The following SKI variants were observed in gnomAD, a reference collection of about 807,000 sequenced individuals.
SKI encodes ski oncogene.
In SKI, 23 loss-of-function variants were observed where a neutral mutation model predicts 59.3. The ratio of observed to expected loss-of-function variants is 0.39; its 90% CI spans 0.28 to 0.55. SKI has a LOEUF of 0.55. Among genes scored for constraint, SKI ranks in the 20% least tolerant of loss-of-function variants. The probability of loss-of-function intolerance (pLI) is 0.67; values close to 1 mark genes in which losing one functional copy is unlikely to be tolerated. For missense variants in SKI, 1,017 were observed against 1,038.9 expected (o/e 0.98, Z 0.29); for synonymous variants, 673 against 488.6 (o/e 1.38, Z -4.98).
chr1:2,256,634 C>G (rs1639280774), intron 1 of SKI, among the ~76,000 whole-genome samples: 1 of 152,272 alleles, frequency 6.6e-6, no homozygotes, highest in African/African-American at 2.4e-5. Flanking sequence ...TGTTGCATGG[C>G]TGACCTGGTA....
intron 1 of SKI, among the ~76,000 whole-genome samples, chr1:2,300,873 G>A (rs1405629050): frequency 3.3e-5 from 5 of 152,282 alleles, no homozygotes; most frequent in African/African-American, 7.2e-5. Flanking sequence ...CCCACTGAGC[G>A]GATTGGGCTC....
At chr1:2,277,755 C>G (rs1639775914) in intron 1 of SKI, among the ~76,000 whole-genome samples, 1 of 148,484 alleles carries the variant, frequency 6.7e-6, no homozygotes, top group South Asian at 2.2e-4. Flanking sequence ...ACACATTCAT[C>G]AGGACCCATG....
intron 5 of SKI, among the ~76,000 whole-genome samples, chr1:2,305,578 G>T (rs373314633): frequency 6.6e-6 from 1 of 152,236 alleles, no homozygotes; most frequent in African/African-American, 2.4e-5. Context: ...TTAATGGGGA[G>T]AGTGGGGGGG....
chr1:2,304,351 G>A lies in SKI; in HGVS notation c.1533G>A (p.Lys511=). Reference sequence around the variant, plus strand: ...CCTTTACCTCATCCAGCTCCGCCAAGGACCTGGGCTCCCCGGGTGCGCGTG... The same window carrying A: ...CCTTTACCTCATCCAGCTCCGCCAAAGACCTGGGCTCCCCGGGTGCGCGTG... The part of the protein sequence containing the change: ...SPSFTSSSSA[K]DLGSPGARAL... The change falls in exon 5 of 7, where the codon AAG becomes AAA. Residue 511 remains lysine (K), a synonymous_variant. Coordinates refer to ENST00000378536, the MANE Select transcript of SKI (RefSeq NM_003036.4). The A allele has an allele frequency of 6.4e-7, 1 of 1,551,702 alleles. No individual in the cohort carries two copies. The highest frequency in any genetic ancestry group is 2.4e-5 in the East Asian group (1 of 40,918).
intron 1 of SKI, chr1:2,240,630 C>T (rs886161464): frequency 1.0e-6 from 1 of 985,310 alleles, no homozygotes; most frequent in African/African-American, 1.7e-5. Context: ...CCGAAGTAAC[C>T]ATACAGCATT....
At chr1:2,299,187 G>T (rs1481817328) in intron 1 of SKI, among the ~76,000 whole-genome samples, 2 of 152,256 alleles carry the variant, frequency 1.3e-5, no homozygotes, top group African/African-American at 4.8e-5. Flanking sequence ...TTCAGCTTCA[G>T]TGTGGAGAAG....
intron 1 of SKI, among the ~76,000 whole-genome samples, 194 bp from the exon 2 acceptor site, chr1:2,302,784 C>T (rs1321300830): frequency 1.3e-5 from 2 of 152,196 alleles, no homozygotes; most frequent in Non-Finnish European, 2.9e-5. Context: ...GCCTGTTGCG[C>T]GTGGCCTAAG....
At chr1:2,272,164 C>G (rs1057279301) in intron 1 of SKI, among the ~76,000 whole-genome samples, 3 of 152,250 alleles carry the variant, frequency 2.0e-5, no homozygotes, top group Non-Finnish European at 4.4e-5. Context: ...CTCACGACCT[C>G]TTGCCCTCTG....
Position 2,306,118 on chromosome 1 carries a change from G to C in SKI, c.1866G>C (p.Glu622Asp), listed in dbSNP as rs748886393. Reference protein sequence around the residue: ...LRKEIERLRAENEKKMKEANE... With the variant: ...LRKEIERLRADNEKKMKEANE... ...AGGAGATCGAGCGTCTCCGCGCCGAGAACGAGAAGAAGATGAAAGAGGCCA... is the reference window on the plus strand; with the variant it reads ...AGGAGATCGAGCGTCTCCGCGCCGACAACGAGAAGAAGATGAAAGAGGCCA... The change falls in exon 6 of 7, where the codon GAG becomes GAC. Residue 622 changes from glutamate to aspartate, a missense_variant. Transcript: ENST00000378536. 4 of 1,598,332 alleles carry C rather than the reference G, an allele frequency of 2.5e-6. No individual in the cohort carries two copies. Among genetic ancestry groups the C allele is most frequent in the African/African-American group, 1.3e-5 (1 of 74,830 alleles).
intron 1 of SKI, among the ~76,000 whole-genome samples, chr1:2,272,742 G>A (rs1193161632): frequency 6.6e-6 from 1 of 152,156 alleles, no homozygotes; most frequent in African/African-American, 2.4e-5. Context: ...TCTGTCAATA[G>A]CGTGTTGGAG....
At chr1:2,272,382 G>T (rs938337292) in intron 1 of SKI, among the ~76,000 whole-genome samples, 34 of 152,226 alleles carry the variant, frequency 2.2e-4, no homozygotes, top group Admixed American at 2.2e-3. Flanking sequence ...TCAAACCAGC[G>T]CAGTGGAAAG....
intron 1 of SKI, among the ~76,000 whole-genome samples, chr1:2,254,184 C>A (rs1282949711): frequency 6.6e-6 from 1 of 152,184 alleles, no homozygotes; most frequent in African/African-American, 2.4e-5. Context: ...CTGCTTGTTC[C>A]CCTCCAGACA....
In SKI at chr1:2,306,567, T is replaced by G; in HGVS notation, c.1999-10T>G. The G allele has an allele frequency of 6.5e-7, 1 of 1,540,608 alleles. No individual in the cohort carries two copies. The highest frequency in any genetic ancestry group is 2.5e-5 in the East Asian group (1 of 40,626). The stretch of plus-strand genomic sequence containing the variant: ...GAGCAGGCGCCGCTGACCACTCGGC[T>G]CCCTTTCAGATCGAAGACCTGCAGG... On this transcript the variant is annotated splice_polypyrimidine_tract_variant and intron_variant, in intron 6 of 6. Transcript: ENST00000378536.
Position 2,307,976 on chromosome 1 carries a change from G to A in SKI, c.*1211G>A, listed in dbSNP as rs1249159539. The A allele has an allele frequency of 6.6e-6, 1 of 152,464 alleles. No individual in the cohort carries two copies. Among genetic ancestry groups the A allele is most frequent in the Non-Finnish European group, 1.5e-5 (1 of 68,042 alleles). The allele number at this position is 152,464 out of a possible 1,614,324, so 9.4% of individuals were successfully genotyped here. A position where few individuals can be genotyped will look rare whatever the true frequency, so the allele number is the denominator to read the frequency against. ...GTGTCTTTTTACCCCCAAGATATCT[G>A]TCTTCAGTAGCGACTGAATCTGCCA... On this transcript the variant is annotated 3_prime_UTR_variant, in exon 7 of 7. Transcript: ENST00000378536.
rs553602772 is a variant in SKI, at chr1:2,243,890, C to T, written c.969+14155C>T. On this transcript the variant is annotated intron_variant, in intron 1 of 6. Transcript: ENST00000378536. ...CTGTGTGTGCTTAGATCTTTGTTCA[C>T]GTTTCTGATCATTTCCTTAGTGGAC... Among the ~76,000 whole-genome samples, 14 of 152,250 alleles carry T rather than the reference C, an allele frequency of 9.2e-5. No individual in the cohort carries two copies. In the South Asian group the frequency reaches 1.9e-3, roughly 20 times the overall value.
At chr1:2,277,665 C>T (rs1639773250) in intron 1 of SKI, among the ~76,000 whole-genome samples, 1 of 152,080 alleles carries the variant, frequency 6.6e-6, no homozygotes, top group South Asian at 2.1e-4. Context: ...GGCGCACACA[C>T]CTGCACTCAC....
chr1:2,267,048 A>G lies in SKI; in HGVS notation c.970-35930A>G, dbSNP rs1639514482. Among the ~76,000 whole-genome samples, 1 of 152,166 alleles carries G rather than the reference A, an allele frequency of 6.6e-6. No homozygotes were observed. Among genetic ancestry groups the G allele is most frequent in the Non-Finnish European group, 1.5e-5 (1 of 68,028 alleles). ...GTGAGCGGATGTGTTTTCCTTCTGC[A>G]ATAATTTTGGCTACATTAAATTCGT... On this transcript the variant is annotated intron_variant, in intron 1 of 6. Transcript: ENST00000378536. This position sits in a 1 kb window ranked among gnomAD's most constrained non-coding sequence, Gnocchi z 4.1.
chr1:2,245,276 A>G (rs1394449055), intron 1 of SKI, among the ~76,000 whole-genome samples: 1 of 151,890 alleles, frequency 6.6e-6, no homozygotes, highest in Admixed American at 6.6e-5. Flanking sequence ...CTTCCTTCTC[A>G]AGACTGAACC....
chr1:2,241,840 A>C (rs1376978640), intron 1 of SKI, among the ~76,000 whole-genome samples: 1 of 152,206 alleles, frequency 6.6e-6, no homozygotes, highest in African/African-American at 2.4e-5. Context: ...CAATTTCCGG[A>C]CACCAGCCCA....
Sources: allele counts gnomAD v4.1 joint callset (sites outside exome capture counted in the v4.1 genomes callset), GRCh38; gene constraint gnomAD v4.1.1; non-coding constraint Gnocchi (gnomAD v3.1); transcripts MANE v1.5; gene names NCBI Gene and HGNC (gene_info 2026-07-23, HGNC 2026-07-21).